Variants in ADAM23 observed in about 807,000 individuals in gnomAD.
ADAM23 encodes ADAM metallopeptidase domain 23, also known as disintegrin and metalloproteinase domain-containing protein 23.
A neutral mutation model predicts 120.1 loss-of-function variants in ADAM23; 33 were observed. The observed-to-expected ratio is 0.27, with a 90% CI of 0.21 to 0.37. The LOEUF (loss-of-function observed/expected upper bound fraction) is 0.37, where lower values mean the gene tolerates loss of function less well. Ranked by LOEUF, ADAM23 falls within the 10% of genes least tolerant of loss-of-function variation. ADAM23 has a pLI of 1.00. For missense variants in ADAM23, 862 were observed against 1,058.2 expected (o/e 0.81, Z 2.57); for synonymous variants, 367 against 375.2 (o/e 0.98, Z 0.25).
intron 24 of ADAM23, among the ~76,000 whole-genome samples, chr2:206,600,095 G>A (rs991534159): frequency 2.1e-4 from 32 of 152,154 alleles, no homozygotes; most frequent in African/African-American, 7.0e-4. Context: ...CCAGCTACTC[G>A]GGAGGCTGAG....
At chr2:206,593,828 G>A (rs1032245833) in intron 22 of ADAM23, among the ~76,000 whole-genome samples, 1 of 151,744 alleles carries the variant, frequency 6.6e-6, no homozygotes, top group Admixed American at 6.6e-5. Flanking sequence ...ACCTAACTTT[G>A]AAATTTTAGA....
intron 3 of ADAM23, among the ~76,000 whole-genome samples, chr2:206,525,179 C>T (rs1174686467): frequency 6.6e-6 from 1 of 152,150 alleles, no homozygotes; most frequent in African/African-American, 2.4e-5. Context: ...GTGCTTGCTA[C>T]TATTCATCTA....
intron 3 of ADAM23, among the ~76,000 whole-genome samples, chr2:206,517,298 G>A (rs368526215): frequency 1.7e-4 from 26 of 152,252 alleles, no homozygotes; most frequent in African/African-American, 6.3e-4. Context: ...GAGTCTCAAA[G>A]TTTTCTTGCT....
chr2:206,486,962 A>G (rs1032507561), intron 3 of ADAM23, among the ~76,000 whole-genome samples: 35 of 152,178 alleles, frequency 2.3e-4, no homozygotes, highest in African/African-American at 7.0e-4. Context: ...TGGACATTTC[A>G]TACGATATGC....
At chr2:206,596,555 C>G (rs190723890) in intron 24 of ADAM23, among the ~76,000 whole-genome samples, 1 of 152,326 alleles carries the variant, frequency 6.6e-6, no homozygotes, top group East Asian at 1.9e-4. Context: ...GTTGGAATCT[C>G]TCCGGAAGGA....
At chr2:206,587,632 T>C (rs1032074363) in intron 19 of ADAM23, among the ~76,000 whole-genome samples, 1 of 151,692 alleles carries the variant, frequency 6.6e-6, no homozygotes, top group African/African-American at 2.4e-5. Context: ...ATTTATTGAG[T>C]TGTGACCATC....
chr2:206,463,316 T>C (rs1695465458), intron 2 of ADAM23, among the ~76,000 whole-genome samples: 1 of 152,204 alleles, frequency 6.6e-6, no homozygotes, highest in African/African-American at 2.4e-5. Context: ...AAACAGAGGT[T>C]TGAGTGATGC....
chr2:206,451,578 T>C (rs1695195075), intron 2 of ADAM23, among the ~76,000 whole-genome samples: 1 of 152,192 alleles, frequency 6.6e-6, no homozygotes, highest in African/African-American at 2.4e-5. Flanking sequence ...ATATCCTACT[T>C]AGTTCCTCTA....
chr2:206,470,024 C>G (rs574652305), intron 2 of ADAM23, among the ~76,000 whole-genome samples: 1 of 152,260 alleles, frequency 6.6e-6, no homozygotes, highest in East Asian at 1.9e-4. Context: ...ACCTATATCA[C>G]TCATCACTAT....
intron 9 of ADAM23, among the ~76,000 whole-genome samples, chr2:206,552,539 A>G (rs1697551552): frequency 6.6e-6 from 1 of 152,180 alleles, no homozygotes; most frequent in South Asian, 2.1e-4. Context: ...ATATTATTTT[A>G]TATGTAGAAA....
Position 206,620,385 on chromosome 2 carries a change from A to G in ADAM23, c.*2758A>G, listed in dbSNP as rs1472041442. ...TACACAAGCTTTAAGCTATGTGTGT[A>G]TGAATATGAAAGTTAATGCAACCAT... On this transcript the variant is annotated 3_prime_UTR_variant, in exon 26 of 26. Transcript: ENST00000264377. The G allele has an allele frequency of 1.3e-5, 2 of 152,202 alleles. No individual in the cohort carries two copies. 9.4% of individuals were successfully genotyped at this position (152,202 alleles called of 1,614,324 possible). A position where few individuals can be genotyped will look rare whatever the true frequency, so the allele number is the denominator to read the frequency against.
chr2:206,540,269 A>T (rs965139679), intron 4 of ADAM23, among the ~76,000 whole-genome samples: 1 of 142,336 alleles, frequency 7.0e-6, no homozygotes, highest in African/African-American at 2.6e-5. Flanking sequence ...ACACACACAC[A>T]GTTGTCCTTG....
chr2:206,445,089 T>G (rs1205069914), intron 1 of ADAM23, among the ~76,000 whole-genome samples: 2 of 151,684 alleles, frequency 1.3e-5, no homozygotes. Flanking sequence ...CACAGTTGTA[T>G]AAGCCTTATT....
In ADAM23 at chr2:206,573,453, T is replaced by C. The variant is rs549718088; in HGVS notation, c.1737+258T>C. On this transcript the variant is annotated intron_variant, in intron 18 of 25. Transcript: ENST00000264377. ...AAGTAATTTTGTGCATTAAACAAAG[T>C]TTCTGTACATTGAACCATTGAACCC... 7.6e-4 allele frequency among the ~76,000 whole-genome samples: 115 copies of C among 152,212 alleles called. 1 individual carries two copies. The highest frequency in any genetic ancestry group is 4.4e-5 in the Non-Finnish European group (3 of 68,010).
intron 4 of ADAM23, among the ~76,000 whole-genome samples, chr2:206,534,824 G>A (rs997162460): frequency 3.3e-5 from 5 of 152,002 alleles, no homozygotes; most frequent in African/African-American, 1.2e-4. Flanking sequence ...TATTAGGTGG[G>A]GAAGGCTTCT....
chr2:206,545,530 TTAGA>T (rs1462700236), intron 6 of ADAM23, among the ~76,000 whole-genome samples: 15 of 152,010 alleles, frequency 9.9e-5, no homozygotes, highest in African/African-American at 2.2e-4. Context: ...CAGCTAACAG[TTAGA>T]TAGGCTACTG....
At chr2:206,449,255 G>A (rs1164086399) in intron 2 of ADAM23, among the ~76,000 whole-genome samples, 2 of 152,140 alleles carry the variant, frequency 1.3e-5, no homozygotes, top group African/African-American at 2.4e-5. Context: ...TATCAAGATC[G>A]ATCGTTTTCA....
chr2:206,536,723 T>G (rs1024991145), intron 4 of ADAM23, among the ~76,000 whole-genome samples: 5 of 152,174 alleles, frequency 3.3e-5, no homozygotes, highest in African/African-American at 2.4e-5. Context: ...CTTTTTTTTT[T>G]GAGACAGTGT....
At position 206,566,852 on chromosome 2, in the gene ADAM23, C is replaced by CA. The variant is rs66674359; in HGVS notation, c.1395-359dup. On this transcript the variant is annotated intron_variant, in intron 14 of 25. Transcript: ENST00000264377. ...GCTCCTTTTATTCAGAAAACAGAGG[C>CA]AAAAAAAAAAAATGCTTGACTTTAA... Among the ~76,000 whole-genome samples the CA allele has an allele frequency of 8.9e-3, 1,294 of 144,740 alleles. 13 individuals are homozygous for CA. Among genetic ancestry groups the CA allele is most frequent in the African/African-American group, 0.029 (1,146 of 39,138 alleles). 95.0% of individuals were successfully genotyped at this position (144,740 alleles called of 152,430 possible). A position where few individuals can be genotyped will look rare whatever the true frequency, so the allele number is the denominator to read the frequency against.
Sources: allele counts gnomAD v4.1 joint callset (sites outside exome capture counted in the v4.1 genomes callset), GRCh38; gene constraint gnomAD v4.1.1; transcripts MANE v1.5; gene names NCBI Gene and HGNC (gene_info 2026-07-23, HGNC 2026-07-21).